Variants in CRIM1 observed in about 807,000 individuals in gnomAD.
The protein encoded by CRIM1 is cysteine rich transmembrane BMP regulator 1, also known as cysteine-rich motor neuron 1 protein.
Under a neutral mutation model 116.4 loss-of-function variants are expected in CRIM1, and 32 were observed. The ratio of observed to expected loss-of-function variants is 0.27; its 90% CI spans 0.21 to 0.37. The LOEUF is 0.37. Among genes scored for constraint, CRIM1 ranks in the 10% least tolerant of loss-of-function variants. The pLI is 1.00. For synonymous variants in CRIM1, 590 were observed against 509.2 expected (o/e 1.16, Z -2.13); for missense variants, 1,331 against 1,354.8 (o/e 0.98, Z 0.28).
intron 7 of CRIM1, among the ~76,000 whole-genome samples, chr2:36,490,680 T>C (rs1680166027): frequency 6.6e-6 from 1 of 152,130 alleles, no homozygotes; most frequent in Non-Finnish European, 1.5e-5. Context: ...CTGGGAGAGC[T>C]GGATCCGTTT....
Position 36,544,426 on chromosome 2 carries a change from C to T in CRIM1, c.2674C>T (p.Arg892Ter), listed in dbSNP as rs1018811936. ...TNIPIEKTNH[R>*]GEVDLEVPLW... The stretch of plus-strand genomic sequence containing the variant: ...TATACCCATTGAGAAGACAAACCAT[C>T]GAGGAGAGGTTGACCTGGAGGTTCC... The change falls in exon 15 of 17, where the codon CGA (arginine) becomes TGA (stop). Residue 892 changes from arginine to a stop codon, truncating the protein, a stop_gained. Coordinates refer to ENST00000280527, the MANE Select transcript of CRIM1 (RefSeq NM_016441.3). LOFTEE classifies it high-confidence loss of function. 1 of 1,430,592 alleles carries T rather than the reference C, an allele frequency of 7.0e-7. No homozygotes were observed. The highest frequency in any genetic ancestry group is 2.5e-5 in the Admixed American group (1 of 39,994). 88.6% of individuals were successfully genotyped at this position (1,430,592 alleles called of 1,614,324 possible).
chr2:36,488,918 G>A (rs1008319011), intron 7 of CRIM1, among the ~76,000 whole-genome samples: 3 of 152,094 alleles, frequency 2.0e-5, no homozygotes, highest in Non-Finnish European at 4.4e-5. Flanking sequence ...ATTGGCTGCC[G>A]GAGCAAACCG....
At chr2:36,519,933 A>C (rs1362788459) in intron 12 of CRIM1, among the ~76,000 whole-genome samples, 4 of 152,336 alleles carry the variant, frequency 2.6e-5, no homozygotes, top group African/African-American at 7.2e-5. Context: ...AAATAGAAAA[A>C]AGGAAACACT....
At chr2:36,453,376 T>A (rs1344071880) in intron 4 of CRIM1, among the ~76,000 whole-genome samples, 1 of 152,226 alleles carries the variant, frequency 6.6e-6, no homozygotes, top group Non-Finnish European at 1.5e-5. Flanking sequence ...GATAATATGA[T>A]CAGGGACTTT....
chr2:36,525,840 A>G (rs1239541560), intron 13 of CRIM1, among the ~76,000 whole-genome samples: 1 of 152,210 alleles, frequency 6.6e-6, no homozygotes, highest in Non-Finnish European at 1.5e-5. Flanking sequence ...ATGCATGTGA[A>G]GTATCCTTTT....
chr2:36,546,275 A>AT (rs1382486848), intron 15 of CRIM1, among the ~76,000 whole-genome samples: 2 of 152,294 alleles, frequency 1.3e-5, no homozygotes, highest in African/African-American at 4.8e-5. Flanking sequence ...GTTTAACCTT[A>AT]TTTTTGTCTG....
chr2:36,403,603 A>G lies in CRIM1; in HGVS notation c.505+6816A>G, dbSNP rs1672575446. On this transcript the variant is annotated intron_variant, in intron 2 of 16. Transcript: ENST00000280527. ...GAGAGGTACAGATAGGAAGATACTA[A>G]GGAGGCCAAATCAGTGGGCTTCAGT... Among the ~76,000 whole-genome samples the G allele has an allele frequency of 2.6e-5, 4 of 152,266 alleles. No homozygotes were observed. The South Asian group carries it at 8.3e-4, about 32-fold the overall frequency.
intron 13 of CRIM1, among the ~76,000 whole-genome samples, chr2:36,528,986 G>A (rs1275611329): frequency 6.6e-6 from 1 of 152,138 alleles, no homozygotes; most frequent in Non-Finnish European, 1.5e-5. Flanking sequence ...AATTCAAGTT[G>A]TTCTGGTTAA....
chr2:36,496,621 A>G (rs1344418693), intron 7 of CRIM1, among the ~76,000 whole-genome samples: 2 of 152,230 alleles, frequency 1.3e-5, no homozygotes, highest in Non-Finnish European at 2.9e-5. Flanking sequence ...ACGGCCCTTT[A>G]TGCAATTTTA....
At chr2:36,449,330 G>A (rs894699453) in intron 4 of CRIM1, among the ~76,000 whole-genome samples, 4 of 152,242 alleles carry the variant, frequency 2.6e-5, no homozygotes, top group African/African-American at 9.6e-5. Context: ...CCACTGAGCT[G>A]CACTGTCCCT....
intron 2 of CRIM1, among the ~76,000 whole-genome samples, chr2:36,415,795 T>C (rs555286748): frequency 6.6e-6 from 1 of 152,366 alleles, no homozygotes; most frequent in East Asian, 1.9e-4. Flanking sequence ...ACTTAGTCTA[T>C]GTCTGTGTGC....
rs762172127 is a variant in CRIM1, at chr2:36,356,357, GGCT to G, written c.79_81del (p.Leu27del). 1.0e-4 allele frequency: 162 copies of G among 1,586,974 alleles called. No homozygotes were observed. The highest frequency in any genetic ancestry group is 3.0e-4 in the East Asian group (13 of 43,874). On this transcript the variant is annotated inframe_deletion, in exon 1 of 17. Coordinates refer to ENST00000280527, the MANE Select transcript of CRIM1 (RefSeq NM_016441.3). This position sits in a 1 kb window ranked among gnomAD's most constrained non-coding sequence, Gnocchi z 4.3. ...GGGCACCTCCTGGTCTCGCTGCTGG[GGCT>G]GCTGCTGCTGCTGGCGCGCTCCGGC...
intron 1 of CRIM1, among the ~76,000 whole-genome samples, chr2:36,360,110 T>C (rs1669121773): frequency 6.6e-6 from 1 of 152,226 alleles, no homozygotes. Context: ...ACAGTGAGAA[T>C]TATGTTTTGA....
At chr2:36,546,857 C>T (rs932789379) in intron 15 of CRIM1, 127 bp from the exon 16 acceptor site, 25 of 407,938 alleles carry the variant, frequency 6.1e-5, no homozygotes, top group Admixed American at 8.8e-5. Flanking sequence ...ATTTTAATCA[C>T]ATTTTTAGCC....
At chr2:36,363,950 C>A (rs960975190) in intron 1 of CRIM1, among the ~76,000 whole-genome samples, 1 of 152,166 alleles carries the variant, frequency 6.6e-6, no homozygotes, top group Non-Finnish European at 1.5e-5. Context: ...TCTAGCTCTA[C>A]CTGTTCTTCT....
At chr2:36,490,147 G>A (rs1680124794) in intron 7 of CRIM1, among the ~76,000 whole-genome samples, 1 of 152,148 alleles carries the variant, frequency 6.6e-6, no homozygotes. Flanking sequence ...TGCATTTGAG[G>A]TCTGTGAAAG....
intron 14 of CRIM1, among the ~76,000 whole-genome samples, chr2:36,543,714 A>G (rs981294056): frequency 6.8e-6 from 1 of 147,446 alleles, no homozygotes. Context: ...AAAAGACCTG[A>G]TATTTGAGAT....
intron 2 of CRIM1, among the ~76,000 whole-genome samples, chr2:36,429,591 A>C (rs77143742): frequency 0.013 from 1,950 of 152,306 alleles, 47 homozygotes; most frequent in African/African-American, 0.045. Flanking sequence ...ACCAGCACAC[A>C]GAAAGAGAGA....
At chr2:36,391,361 C>G (rs1399741134) in intron 1 of CRIM1, among the ~76,000 whole-genome samples, 1 of 151,104 alleles carries the variant, frequency 6.6e-6, no homozygotes, top group Admixed American at 6.6e-5. Flanking sequence ...ATCTCCTGAC[C>G]TCGTGATCCG....
Sources: allele counts gnomAD v4.1 joint callset (sites outside exome capture counted in the v4.1 genomes callset), GRCh38; gene constraint gnomAD v4.1.1; non-coding constraint Gnocchi (gnomAD v3.1); transcripts MANE v1.5; gene names NCBI Gene and HGNC (gene_info 2026-07-23, HGNC 2026-07-21).